CACNA1A: variants seen among roughly 807,000 people sequenced by gnomAD.
CACNA1A encodes the protein calcium voltage-gated channel subunit alpha1 A.
CACNA1A carries 57 observed loss-of-function variants against 262.4 expected under a neutral mutation model. The observed-to-expected ratio is 0.22, with a 90% CI of 0.18 to 0.27. CACNA1A has a LOEUF of 0.27. Ranked by LOEUF, CACNA1A falls within the 10% of genes least tolerant of loss-of-function variation. CACNA1A has a pLI of 1.00. For synonymous variants in CACNA1A, 1,431 were observed against 1,419.3 expected, an observed-to-expected ratio of 1.01 and a Z score of -0.18; for missense variants, 2,526 against 3,562.8, an observed-to-expected ratio of 0.71 and a Z score of 7.41.
chr19:13,320,716 C>T (rs2900851), intron 10 of CACNA1A, among the ~76,000 whole-genome samples: 2,121 of 152,090 alleles, frequency 0.014, 57 homozygotes, highest in African/African-American at 0.049. Context: ...CTTTGTCCCA[C>T]GTTCCCTTTT....
At chr19:13,342,509 T>G (rs930312674) in intron 6 of CACNA1A, among the ~76,000 whole-genome samples, 1 of 152,186 alleles carries the variant, frequency 6.6e-6, no homozygotes, top group African/African-American at 2.4e-5. Flanking sequence ...GCTCAAAGAC[T>G]TCCACTGCCT....
At chr19:13,446,999 TGAA>T (rs1013775055) in intron 3 of CACNA1A, among the ~76,000 whole-genome samples, 8 of 152,108 alleles carry the variant, frequency 5.3e-5, no homozygotes, top group Non-Finnish European at 8.8e-5. Context: ...GTGCCTCATT[TGAA>T]GGAGATAGAA....
At chr19:13,256,059 A>T (rs1274914063) in intron 28 of CACNA1A, 1 of 139,572 alleles carries the variant, frequency 7.2e-6, no homozygotes, top group Non-Finnish European at 1.5e-5. Context: ...GTGCAATCAC[A>T]GCTCACTGCA....
chr19:13,209,410 A>G lies in CACNA1A; in HGVS notation c.6428T>C (p.Val2143Ala). 7.2e-7 allele frequency: 1 copy of G among 1,386,462 alleles called. No individual in the cohort carries two copies. The highest frequency in any genetic ancestry group is 9.4e-7 in the Non-Finnish European group (1 of 1,065,290). The allele number at this position is 1,386,462 out of a possible 1,614,324, so 85.9% of individuals were successfully genotyped here. The change falls in exon 45 of 47, where the codon GTC (valine) becomes GCC (alanine). Residue 2143 changes from valine (V) to alanine (A), a missense_variant. Val to Ala is a moderately conservative substitution (Grantham distance 64). Transcript: ENST00000360228. ...GTGCCGCTGGTTCTCCTCGGGCGGG[A>G]CCCGCTCCAGCGAGTAATCGTCCAG... ...RRLDDYSLERVPPEENQRHHQ... is the reference protein window; with the variant it reads ...RRLDDYSLERAPPEENQRHHQ...
At chr19:13,329,641 T>G (rs2145111633) in intron 10 of CACNA1A, among the ~76,000 whole-genome samples, 1 of 151,544 alleles carries the variant, frequency 6.6e-6, no homozygotes, top group South Asian at 2.1e-4. Flanking sequence ...GGCTAATTTT[T>G]TTCGTATTTT....
chr19:13,209,413 C>G lies in CACNA1A; in HGVS notation c.6425G>C (p.Arg2142Pro), dbSNP rs1268148205. The G allele has an allele frequency of 1.4e-6, 2 of 1,390,426 alleles. No individual in the cohort carries two copies. The highest frequency in any genetic ancestry group is 2.8e-5 in the East Asian group (1 of 36,080). 86.1% of individuals were successfully genotyped at this position (1,390,426 alleles called of 1,614,324 possible). Residue 2142 changes from arginine to proline, a missense_variant, in exon 45 of 47, where the codon CGG becomes CCG. Coordinates refer to ENST00000360228, the MANE Select transcript of CACNA1A (RefSeq NM_001127222.2). Reference sequence around the variant, plus strand: ...CCGCTGGTTCTCCTCGGGCGGGACCCGCTCCAGCGAGTAATCGTCCAGGCG... The same window carrying G: ...CCGCTGGTTCTCCTCGGGCGGGACCGGCTCCAGCGAGTAATCGTCCAGGCG... Reference protein sequence around the residue: ...ARRLDDYSLERVPPEENQRHH... With the variant: ...ARRLDDYSLEPVPPEENQRHH...
chr19:13,285,310 A>G, intron 20 of CACNA1A, 104 bp from the exon 21 acceptor site: 2 of 1,293,668 alleles, frequency 1.5e-6, no homozygotes, highest in Admixed American at 2.1e-5. Flanking sequence ...TGACATTTCT[A>G]AAGTGCCTGC....
intron 6 of CACNA1A, among the ~76,000 whole-genome samples, chr19:13,341,602 G>A (rs952987618): frequency 5.9e-5 from 9 of 152,114 alleles, no homozygotes; most frequent in African/African-American, 7.2e-5. Context: ...CTCGGCCCTT[G>A]CACAGGCTGT....
intron 24 of CACNA1A, among the ~76,000 whole-genome samples, chr19:13,264,410 C>T: frequency 6.6e-6 from 1 of 152,204 alleles, no homozygotes; most frequent in Non-Finnish European, 1.5e-5. Flanking sequence ...GTTTTATGCA[C>T]ACAGTGGCTA....
intron 30 of CACNA1A, among the ~76,000 whole-genome samples, chr19:13,251,205 C>A (rs1004523745): frequency 6.6e-6 from 1 of 150,410 alleles, no homozygotes; most frequent in African/African-American, 2.5e-5. Flanking sequence ...CTGAGTAGGC[C>A]GGGTGCGGTG....
intron 25 of CACNA1A, 50 bp from the exon 26 acceptor site, chr19:13,261,660 C>A (rs1195999901): frequency 2.1e-5 from 33 of 1,563,412 alleles, no homozygotes; most frequent in Non-Finnish European, 2.9e-5. Flanking sequence ...ACCTGCCCAA[C>A]CTTCTGCCTC....
chr19:13,320,183 C>T (rs1290829172), intron 10 of CACNA1A, among the ~76,000 whole-genome samples: 1 of 149,690 alleles, frequency 6.7e-6, no homozygotes, highest in Non-Finnish European at 1.5e-5. Flanking sequence ...AGGGCTTGGC[C>T]AAAAGAAATA....
chr19:13,435,899 A>G (rs1474519409), intron 3 of CACNA1A, among the ~76,000 whole-genome samples: 1 of 152,126 alleles, frequency 6.6e-6, no homozygotes, highest in Non-Finnish European at 1.5e-5. Flanking sequence ...GACTCAGCTC[A>G]CTGCAACCTC....
At chr19:13,320,584 T>G (rs200808045) in intron 10 of CACNA1A, among the ~76,000 whole-genome samples, 3 of 73,836 alleles carry the variant, frequency 4.1e-5, no homozygotes, top group Admixed American at 1.8e-4. Flanking sequence ...GAAGACACAT[T>G]CCCCACGACA....
chr19:13,269,705 G>A lies in CACNA1A; in HGVS notation c.3989+6145C>T, dbSNP rs141114137. On this transcript the variant is annotated intron_variant, in intron 24 of 46. Transcript: ENST00000360228. ...GCATGGGCACAGAGCGTGATACCACGTGTGATGGCTCATGAAATGGGGTGT... is the reference window on the plus strand; with the variant it reads ...GCATGGGCACAGAGCGTGATACCACATGTGATGGCTCATGAAATGGGGTGT... 5.8e-4 allele frequency among the ~76,000 whole-genome samples: 88 copies of A among 152,324 alleles called. 1 individual carries two copies. The highest frequency in any genetic ancestry group is 1.8e-3 in the African/African-American group (75 of 41,578).
intron 1 of CACNA1A, among the ~76,000 whole-genome samples, chr19:13,485,385 A>T (rs2145099721): frequency 6.6e-6 from 1 of 152,344 alleles, no homozygotes; most frequent in Middle Eastern, 3.4e-3. Flanking sequence ...TCTAAAATCA[A>T]CCACATCAAA....
At chr19:13,494,071 C>T (rs1369348863) in intron 1 of CACNA1A, among the ~76,000 whole-genome samples, 2 of 152,228 alleles carry the variant, frequency 1.3e-5, no homozygotes, top group African/African-American at 4.8e-5. Flanking sequence ...AGTAGACATA[C>T]AAGCTCCATG....
intron 1 of CACNA1A, among the ~76,000 whole-genome samples, chr19:13,488,734 T>C (rs1980364080): frequency 6.6e-6 from 1 of 151,924 alleles, no homozygotes; most frequent in African/African-American, 2.4e-5. Context: ...GATTAGAAGG[T>C]GCAGTCAAGA....
At position 13,458,722 on chromosome 19, in the gene CACNA1A, G is replaced by A. The variant is rs374804641; in HGVS notation, c.294-3510C>T. Among the ~76,000 whole-genome samples the A allele has an allele frequency of 7.2e-5, 11 of 152,180 alleles. No homozygotes were observed. The East Asian group carries it at 7.7e-4, about 11-fold the overall frequency. On this transcript the variant is annotated intron_variant, in intron 1 of 46. Coordinates refer to ENST00000360228, the MANE Select transcript of CACNA1A (RefSeq NM_001127222.2). ...AGAGGATCTGCAGGGCAGGTGGGGA[G>A]GGTCTATCTTGTTCATTTCATATTA...
Sources: gnomAD v4.1 joint callset for allele counts (sites outside exome capture counted in the v4.1 genomes callset) on GRCh38, gnomAD v4.1.1 for gene constraint, MANE v1.5 for transcripts, NCBI Gene and HGNC (gene_info 2026-07-23, HGNC 2026-07-21) for gene names.